The following ETV1 variants were observed in gnomAD, a reference collection of about 807,000 sequenced individuals.
ETV1 encodes the protein ETS translocation variant 1.
Under a neutral mutation model 62.3 loss-of-function variants are expected in ETV1, and 27 were observed. That is an observed-to-expected ratio of 0.43 (90% CI 0.32 to 0.60). The LOEUF is 0.60. ETV1 is among the 20% of genes least tolerant of loss of function. ETV1 has a pLI of 0.06. For missense variants in ETV1, 605 were observed against 605.8 expected (o/e 1.00, Z 0.01); for synonymous variants, 222 against 199.6 (o/e 1.11, Z -0.94).
At chr7:13,977,936 G>A (rs888743669) in intron 5 of ETV1, among the ~76,000 whole-genome samples, 2 of 152,004 alleles carry the variant, frequency 1.3e-5, no homozygotes, top group Non-Finnish European at 2.9e-5. Context: ...TTTTAGAAAC[G>A]TCTGCTGGTA....
At chr7:13,924,528 C>T (rs59297103) in intron 9 of ETV1, among the ~76,000 whole-genome samples, 12,835 of 152,110 alleles carry the variant, frequency 0.084, 935 homozygotes, top group African/African-American at 0.19. Context: ...AAAATGTGGG[C>T]ACTATTTAAT....
At chr7:13,950,936 ACACAC>A (rs1788742529) in intron 6 of ETV1, among the ~76,000 whole-genome samples, 1 of 127,452 alleles carries the variant, frequency 7.8e-6, no homozygotes. Flanking sequence ...ACACACACAC[ACACAC>A]AATATCGAGC....
intron 13 of ETV1, among the ~76,000 whole-genome samples, chr7:13,896,774 A>AAGAAAG (rs1554288497): frequency 6.6e-6 from 1 of 151,636 alleles, no homozygotes; most frequent in Non-Finnish European, 1.5e-5. Flanking sequence ...GAAAGAAAGA[A>AAGAAAG]AGAAAGAAAG....
intron 5 of ETV1, among the ~76,000 whole-genome samples, chr7:13,983,924 C>G (rs76099339): frequency 0.018 from 2,729 of 151,622 alleles, 94 homozygotes; most frequent in African/African-American, 0.063. Flanking sequence ...CCAACTTCCC[C>G]TTAGAAATAA....
At chr7:13,958,624 T>TGTG (rs1789769557) in intron 6 of ETV1, 1 of 152,174 alleles carries the variant, frequency 6.6e-6, no homozygotes, top group Non-Finnish European at 1.5e-5. Flanking sequence ...CCCGACAATC[T>TGTG]TAGTTTTGGC....
intron 9 of ETV1, among the ~76,000 whole-genome samples, chr7:13,922,074 T>G (rs1428449611): frequency 6.6e-6 from 1 of 152,184 alleles, no homozygotes; most frequent in Non-Finnish European, 1.5e-5. Flanking sequence ...GAATTATAAA[T>G]TTATAATTAT....
intron 6 of ETV1, among the ~76,000 whole-genome samples, chr7:13,976,141 A>T (rs1480091686): frequency 6.6e-6 from 1 of 152,210 alleles, no homozygotes; most frequent in Non-Finnish European, 1.5e-5. Context: ...TTAGACATCA[A>T]ACAGCATTAT....
chr7:13,939,728 G>C (rs1460437308), intron 6 of ETV1, among the ~76,000 whole-genome samples: 1 of 152,170 alleles, frequency 6.6e-6, no homozygotes, highest in African/African-American at 2.4e-5. Flanking sequence ...AGAAAATCCA[G>C]GCGCAGGTCC....
chr7:13,988,860 C>T, intron 3 of ETV1, 148 bp downstream of exon 3: 3 of 1,584,314 alleles, frequency 1.9e-6, no homozygotes, highest in Middle Eastern at 1.7e-4. Context: ...GACTGGGCTT[C>T]TAGAAGCAGA....
chr7:13,986,361 T>C (rs1782550580), intron 5 of ETV1: 9 of 1,488,632 alleles, frequency 6.0e-6, no homozygotes, highest in African/African-American at 1.4e-5. Context: ...AACAGAGGCT[T>C]AGAACTTGAA....
intron 6 of ETV1, among the ~76,000 whole-genome samples, chr7:13,963,929 AC>A (rs1562689012): frequency 6.6e-6 from 1 of 152,204 alleles, no homozygotes; most frequent in Non-Finnish European, 1.5e-5. Context: ...CTGCAATAAA[AC>A]TATGAATGAA....
At chr7:13,902,373 T>C (rs1222309753) in intron 12 of ETV1, among the ~76,000 whole-genome samples, 2 of 152,154 alleles carry the variant, frequency 1.3e-5, no homozygotes, top group African/African-American at 4.8e-5. Context: ...TGCATCAGTA[T>C]GTTTTTTAAG....
chr7:13,891,585 A>G lies in ETV1; in HGVS notation c.*4281T>C, dbSNP rs759554091. The G allele has an allele frequency of 8.6e-6, 2 of 231,450 alleles. No homozygotes were observed. Among genetic ancestry groups the G allele is most frequent in the Non-Finnish European group, 1.7e-5 (2 of 117,116 alleles). The allele number at this position is 231,450 out of a possible 1,614,324, so 14.3% of individuals were successfully genotyped here. A position where few individuals can be genotyped will look rare whatever the true frequency, so the allele number is the denominator to read the frequency against. Reference sequence around the variant, plus strand: ...CTTTCCATAAACTGTTTTTTTTTTAAGTATGTCAAAGTGAGTCTCATGTAT... The same window carrying G: ...CTTTCCATAAACTGTTTTTTTTTTAGGTATGTCAAAGTGAGTCTCATGTAT... On this transcript the variant is annotated 3_prime_UTR_variant, in exon 14 of 14. Coordinates refer to ENST00000430479, the MANE Select transcript of ETV1 (RefSeq NM_004956.5).
At chr7:13,916,294 G>A (rs549848335) in intron 9 of ETV1, among the ~76,000 whole-genome samples, 2 of 152,232 alleles carry the variant, frequency 1.3e-5, no homozygotes, top group Non-Finnish European at 2.9e-5. Context: ...TTAATTTTTA[G>A]ATGGTTTTAA....
intron 12 of ETV1, among the ~76,000 whole-genome samples, chr7:13,904,670 A>C (rs1317550816): frequency 2.0e-5 from 3 of 152,088 alleles, no homozygotes; most frequent in Non-Finnish European, 4.4e-5. Flanking sequence ...AAGGGAAATA[A>C]CTGTTTAACT....
chr7:13,957,086 T>A (rs189357607), intron 6 of ETV1, among the ~76,000 whole-genome samples: 3 of 151,950 alleles, frequency 2.0e-5, no homozygotes, highest in East Asian at 1.9e-4. Context: ...TTATTTATTT[T>A]TTATTTTTAT....
chr7:13,983,036 G>GA (rs1782157324), intron 5 of ETV1, among the ~76,000 whole-genome samples: 1 of 151,842 alleles, frequency 6.6e-6, no homozygotes. Flanking sequence ...AAACCAAAAG[G>GA]AAAAAACCCT....
intron 6 of ETV1, among the ~76,000 whole-genome samples, chr7:13,963,494 A>T (rs1438018940): frequency 6.6e-6 from 1 of 150,858 alleles, no homozygotes; most frequent in African/African-American, 2.5e-5. Flanking sequence ...GAAATTTTGC[A>T]TTAAGGTTTT....
intron 6 of ETV1, among the ~76,000 whole-genome samples, chr7:13,970,536 C>T (rs1324251406): frequency 6.6e-6 from 1 of 152,040 alleles, no homozygotes. Context: ...CCAAAAAACT[C>T]ATGTTCTTAA....
Sources: allele counts gnomAD v4.1 joint callset (sites outside exome capture counted in the v4.1 genomes callset), GRCh38; gene constraint gnomAD v4.1.1; transcripts MANE v1.5; gene names NCBI Gene and HGNC (gene_info 2026-07-23, HGNC 2026-07-21).